MPHOSPH10: variants seen among roughly 807,000 people sequenced by gnomAD.
MPHOSPH10 encodes M-phase phosphoprotein 10.
MPHOSPH10 carries 33 observed loss-of-function variants against 77.3 expected under a neutral mutation model. The observed-to-expected ratio is 0.43, with a 90% CI of 0.32 to 0.57. MPHOSPH10 has a LOEUF of 0.57. MPHOSPH10 is among the 20% of genes least tolerant of loss of function. MPHOSPH10 has a pLI of 0.07. For synonymous variants in MPHOSPH10, 245 were observed against 268.0 expected (o/e 0.91, Z 0.84); for missense variants, 708 against 780.1 (o/e 0.91, Z 1.10).
intron 6 of MPHOSPH10, 86 bp downstream of exon 6, chr2:71,139,948 G>A: frequency 2.1e-6 from 2 of 957,462 alleles, no homozygotes; most frequent in South Asian, 3.0e-5. Flanking sequence ...TAGGACTATT[G>A]CTTTTTATTT....
intron 8 of MPHOSPH10, among the ~76,000 whole-genome samples, chr2:71,146,857 G>C (rs1673719573): frequency 6.6e-6 from 1 of 152,144 alleles, no homozygotes; most frequent in Non-Finnish European, 1.5e-5. Flanking sequence ...TCCATGGACA[G>C]GATGGTGATA....
chr2:71,142,703 T>G (rs1673634381), intron 7 of MPHOSPH10, among the ~76,000 whole-genome samples: 1 of 152,210 alleles, frequency 6.6e-6, no homozygotes, highest in Non-Finnish European at 1.5e-5. Context: ...AGGACATGTT[T>G]AGGATTTTTT....
In MPHOSPH10 at chr2:71,133,188, A is replaced by G. The variant is rs1352831982; in HGVS notation, c.380A>G (p.Lys127Arg). Residue 127 changes from lysine (K) to arginine (R), a missense_variant, in exon 2 of 11, where the codon AAG (lysine) becomes AGG (arginine). Around this residue, in one of 3 missense-constraint regions of MPHOSPH10, gnomAD observed 433 missense variants for 432.6 expected, o/e 1.00. Coordinates refer to ENST00000244230, the MANE Select transcript of MPHOSPH10 (RefSeq NM_005791.3). ...GGTTCAGAGATAGAGGCTGATGACAAGGAGGACCTAGAAGATTTAGAGGAG... is the reference window on the plus strand; with the variant it reads ...GGTTCAGAGATAGAGGCTGATGACAGGGAGGACCTAGAAGATTTAGAGGAG... ...EDGSEIEADD[K>R]EDLEDLEEEE... 1 of 1,614,180 alleles carries G rather than the reference A, an allele frequency of 6.2e-7. No individual in the cohort carries two copies.
At chr2:71,132,316 C>G (rs1159942927) in intron 1 of MPHOSPH10, among the ~76,000 whole-genome samples, 5 of 152,134 alleles carry the variant, frequency 3.3e-5, no homozygotes, top group Non-Finnish European at 7.3e-5. Flanking sequence ...AATTCTTACT[C>G]CTGAACCATG....
chr2:71,131,753 A>G (rs1301038506), intron 1 of MPHOSPH10, among the ~76,000 whole-genome samples: 1 of 152,206 alleles, frequency 6.6e-6, no homozygotes, highest in African/African-American at 2.4e-5. Context: ...CCAGAAGAAG[A>G]ATGTCACAAG....
At chr2:71,132,361 C>T (rs1392506845) in intron 1 of MPHOSPH10, among the ~76,000 whole-genome samples, 2 of 152,196 alleles carry the variant, frequency 1.3e-5, no homozygotes, top group Non-Finnish European at 2.9e-5. Context: ...TCCAGCTTCA[C>T]CCTCTGCCTC....
At chr2:71,134,218 A>G (rs1673443170) in intron 3 of MPHOSPH10, 113 bp downstream of exon 3, 2 of 1,055,600 alleles carry the variant, frequency 1.9e-6, no homozygotes, top group Non-Finnish European at 2.6e-6. Context: ...CTAATATCAG[A>G]TATTCTCAAG....
At chr2:71,148,231 C>T (rs1673755299) in intron 9 of MPHOSPH10, 125 bp downstream of exon 9, 1 of 782,070 alleles carries the variant, frequency 1.3e-6, no homozygotes, top group Admixed American at 2.3e-5. Context: ...TCAGCAGTTT[C>T]TAAGTATAAG....
Position 71,140,308 on chromosome 2 carries a change from G to A in MPHOSPH10, c.1308+446G>A, listed in dbSNP as rs764968933. Among the ~76,000 whole-genome samples, 203 of 152,174 alleles carry A rather than the reference G, an allele frequency of 1.3e-3. 8 individuals are homozygous for A. Among genetic ancestry groups the A allele is most frequent in the Non-Finnish European group, 3.5e-4 (24 of 68,026 alleles). Reference sequence around the variant, plus strand: ...AGGCTGAGAAGTCCAAGGTCGAGGGGCCTTCTTACCAGTGGGGATTCCGCA... The same window carrying A: ...AGGCTGAGAAGTCCAAGGTCGAGGGACCTTCTTACCAGTGGGGATTCCGCA... On this transcript the variant is annotated intron_variant, in intron 6 of 10. Transcript: ENST00000244230.
chr2:71,132,381 C>T (rs1407093098), intron 1 of MPHOSPH10, among the ~76,000 whole-genome samples: 1 of 152,194 alleles, frequency 6.6e-6, no homozygotes, highest in Admixed American at 6.5e-5. Flanking sequence ...CCTTCACACT[C>T]TAGCCATGGT....
At chr2:71,140,352 G>C (rs1673588679) in intron 6 of MPHOSPH10, among the ~76,000 whole-genome samples, 1 of 152,208 alleles carries the variant, frequency 6.6e-6, no homozygotes. Flanking sequence ...AGGTGGTGCA[G>C]GGCATCACAT....
At chr2:71,146,334 CTTTTTT>C (rs778705527) in intron 8 of MPHOSPH10, among the ~76,000 whole-genome samples, 1 of 107,314 alleles carries the variant, frequency 9.3e-6, no homozygotes, top group African/African-American at 3.5e-5. Flanking sequence ...TTTTTTGTGG[CTTTTTT>C]TTTTTTTTTT....
intron 8 of MPHOSPH10, among the ~76,000 whole-genome samples, chr2:71,145,975 C>T (rs1026654020): frequency 6.6e-6 from 1 of 152,216 alleles, no homozygotes; most frequent in African/African-American, 2.4e-5. Flanking sequence ...CATGTCTCAC[C>T]ACTTGGCTCC....
At chr2:71,141,932 C>T (rs1414643329) in intron 7 of MPHOSPH10, among the ~76,000 whole-genome samples, 8 of 151,638 alleles carry the variant, frequency 5.3e-5, no homozygotes, top group South Asian at 2.1e-4. Flanking sequence ...CTTGGGAGGC[C>T]GAGGCAGGGG....
intron 7 of MPHOSPH10, among the ~76,000 whole-genome samples, chr2:71,142,121 C>T (rs1281946291): frequency 1.3e-5 from 2 of 152,202 alleles, no homozygotes; most frequent in Admixed American, 6.5e-5. Flanking sequence ...ATATAATAAT[C>T]GAATTATTCC....
At chr2:71,134,595 ATTTC>A in intron 3 of MPHOSPH10, 27 bp from the exon 4 acceptor site, 1 of 1,557,566 alleles carries the variant, frequency 6.4e-7, no homozygotes, top group African/African-American at 1.4e-5. Flanking sequence ...AAAGTAGTAT[ATTTC>A]TTTTTATAAG....
rs1488220391 is a variant in MPHOSPH10 at position 71,133,820 on chromosome 2, G to A, written c.769-128G>A. ...TATTTAGTTATTAGTTTGGTTATTA[G>A]TTATTAGCTTGTAGTGTTATTAAGT... On this transcript the variant is annotated intron_variant, in intron 2 of 10. Transcript: ENST00000244230. The A allele has an allele frequency of 6.9e-6, 6 of 868,970 alleles. No homozygotes were observed. The South Asian group carries it at 9.3e-5, about 14-fold the overall frequency. The allele number at this position is 868,970 out of a possible 1,614,324, so 53.8% of individuals were successfully genotyped here.
intron 7 of MPHOSPH10, among the ~76,000 whole-genome samples, chr2:71,142,437 A>G (rs144275980): frequency 8.9e-4 from 135 of 152,334 alleles, no homozygotes; most frequent in Non-Finnish European, 1.3e-3. Flanking sequence ...TTAGATAGGT[A>G]ATGCAATAGC....
At chr2:71,135,270 GC>G (rs1377104622) in intron 4 of MPHOSPH10, among the ~76,000 whole-genome samples, 1 of 152,112 alleles carries the variant, frequency 6.6e-6, no homozygotes, top group Non-Finnish European at 1.5e-5. Context: ...CTTCTGCTGG[GC>G]GTGGTGGCTC....
Sources: gnomAD v4.1 joint callset for allele counts (sites outside exome capture counted in the v4.1 genomes callset) on GRCh38, gnomAD v4.1.1 for gene constraint, gnomAD v4.1.1 regional missense constraint, MANE v1.5 for transcripts, NCBI Gene and HGNC (gene_info 2026-07-23, HGNC 2026-07-21) for gene names.